The following APOO variants were observed in gnomAD, a reference collection of about 807,000 sequenced individuals.
APOO encodes apolipoprotein O.
APOO carries 11 observed loss-of-function variants against 23.1 expected under a neutral mutation model. The ratio of observed to expected loss-of-function variants is 0.48; its 90% CI spans 0.30 to 0.79. The LOEUF is 0.79. Ranked by LOEUF, APOO falls within the 30% of genes least tolerant of loss-of-function variation. The probability of loss-of-function intolerance (pLI) is 0.07; values close to 1 mark genes in which losing one functional copy is unlikely to be tolerated. For missense variants in APOO, 160 were observed against 142.7 expected (o/e 1.12, Z -0.62); for synonymous variants, 59 against 54.8 (o/e 1.08, Z -0.34).
chrX:23,900,271 G>C (rs895670435), intron 1 of APOO, among the ~76,000 whole-genome samples: 3 of 111,774 alleles, frequency 2.7e-5, no homozygotes, highest in Non-Finnish European at 5.6e-5. Context: ...TGTAGTTCAC[G>C]GTTCTTTTCG....
intron 5 of APOO, among the ~76,000 whole-genome samples, chrX:23,866,418 C>T (rs1025316664): frequency 5.4e-5 from 6 of 112,033 alleles, no homozygotes; most frequent in African/African-American, 1.6e-4. Context: ...ACATGAGTTG[C>T]TTCCACAGGT....
chrX:23,899,727 T>A (rs1053249591), intron 1 of APOO, among the ~76,000 whole-genome samples: 1 of 112,511 alleles, frequency 8.9e-6, no homozygotes, highest in African/African-American at 3.2e-5. Context: ...TTGAGATTTA[T>A]TACACACCTA....
chrX:23,865,490 G>C (rs1188841818), intron 5 of APOO, among the ~76,000 whole-genome samples: 1 of 109,847 alleles, frequency 9.1e-6, no homozygotes, highest in Non-Finnish European at 1.9e-5. Flanking sequence ...TGTAGTCCCA[G>C]CTACTCGGGA....
intron 1 of APOO, among the ~76,000 whole-genome samples, chrX:23,885,641 CTCTTA>C (rs1926337324): frequency 9.1e-6 from 1 of 109,982 alleles, no homozygotes; most frequent in Admixed American, 9.8e-5. Context: ...TTACCTTCCC[CTCTTA>C]TCTTACTTGT....
intron 1 of APOO, among the ~76,000 whole-genome samples, chrX:23,888,535 T>C (rs1926473406): frequency 1.8e-5 from 2 of 111,206 alleles, no homozygotes; most frequent in Admixed American, 9.6e-5. Context: ...CAGGCCACAA[T>C]TTAAAAAATA....
At chrX:23,839,911 A>G (rs1923889100) in intron 8 of APOO, 1 of 112,368 alleles carries the variant, frequency 8.9e-6, no homozygotes, top group South Asian at 3.6e-4. Context: ...ACAATTTTTC[A>G]TATATACACA....
intron 3 of APOO, 126 bp from the exon 4 acceptor site, chrX:23,874,583 GATACAC>G (rs995534173): frequency 2.7e-5 from 15 of 548,857 alleles, no homozygotes; most frequent in Non-Finnish European, 4.5e-5. Flanking sequence ...TGAACAAAGG[GATACAC>G]TGTCTGTCTG....
intron 4 of APOO, among the ~76,000 whole-genome samples, chrX:23,872,779 G>A (rs7889458): frequency 0.18 from 19,418 of 110,058 alleles, 1,301 homozygotes; most frequent in Middle Eastern, 0.23. Context: ...AGCTAGGCGC[G>A]GTGGCTCACA....
intron 5 of APOO, among the ~76,000 whole-genome samples, chrX:23,864,810 GC>G (rs1393900927): frequency 1.8e-5 from 2 of 111,675 alleles, no homozygotes; most frequent in East Asian, 5.6e-4. Flanking sequence ...GAAGAGAAAA[GC>G]CTGTGATATC....
At chrX:23,846,576 G>A (rs745809179) in intron 7 of APOO, among the ~76,000 whole-genome samples, 30 of 91,343 alleles carry the variant, frequency 3.3e-4, no homozygotes, top group Non-Finnish European at 5.4e-4. Context: ...GAACGCGATC[G>A]CACCACTGCA....
intron 1 of APOO, chrX:23,884,144 A>G (rs1345315756): frequency 9.0e-6 from 1 of 111,545 alleles, no homozygotes; most frequent in African/African-American, 3.3e-5. Flanking sequence ...CTCACATAAA[A>G]GTCCTAGGTA....
intron 1 of APOO, among the ~76,000 whole-genome samples, chrX:23,901,127 G>A (rs892615269): frequency 1.8e-5 from 2 of 112,220 alleles, no homozygotes; most frequent in East Asian, 5.5e-4. Flanking sequence ...GACAGGCAAT[G>A]TAAGTATTAC....
intron 1 of APOO, 63 bp downstream of exon 1, chrX:23,907,631 C>G (rs944703619): frequency 8.9e-7 from 1 of 1,117,722 alleles, no homozygotes; most frequent in Non-Finnish European, 1.2e-6. Flanking sequence ...CAAGAGAGCG[C>G]GGGGAGGGCT....
chrX:23,846,247 G>A (rs1181044817), intron 7 of APOO, among the ~76,000 whole-genome samples: 8 of 100,961 alleles, frequency 7.9e-5, no homozygotes, highest in Non-Finnish European at 1.4e-4. Flanking sequence ...GAAGGCGGAG[G>A]TTGTAATGAA....
chrX:23,843,479 CAGAG>C (rs1161970094), intron 7 of APOO, among the ~76,000 whole-genome samples: 1 of 109,683 alleles, frequency 9.1e-6, no homozygotes, highest in African/African-American at 3.3e-5. Context: ...CATTTTCAGA[CAGAG>C]AAAGTTTTAT....
intron 6 of APOO, among the ~76,000 whole-genome samples, chrX:23,857,316 C>A (rs1418588235): frequency 1.8e-5 from 2 of 109,289 alleles, no homozygotes; most frequent in Non-Finnish European, 3.8e-5. Context: ...CAACGAGCAA[C>A]CAAGTTCACC....
intron 4 of APOO, among the ~76,000 whole-genome samples, chrX:23,872,191 T>C (rs1171257976): frequency 9.0e-6 from 1 of 111,224 alleles, no homozygotes; most frequent in Non-Finnish European, 1.9e-5. Context: ...AAAGAAGATA[T>C]GTTTTAAGAC....
intron 1 of APOO, chrX:23,883,308 G>A (rs1272883522): frequency 9.0e-6 from 1 of 111,063 alleles, no homozygotes; most frequent in Non-Finnish European, 1.9e-5. Flanking sequence ...CTAGCGGGCA[G>A]GCACACAAGC....
rs1266277942 is a variant in APOO, at chrX:23,840,374, C to T, written c.565G>A (p.Gly189Arg). 1 of 1,199,344 alleles carries T rather than the reference C, an allele frequency of 8.3e-7. No homozygotes were observed. Among genetic ancestry groups the T allele is most frequent in the South Asian group, 1.8e-5 (1 of 54,310 alleles). ...DLWKENFQKPGNVKNSPGTK is the reference protein window; with the variant it reads ...DLWKENFQKPRNVKNSPGTK The stretch of plus-strand genomic sequence containing the variant: ...GTTCCAGGTGAATTCTTCACATTTC[C>T]TGGCTTTTAAAACAAAAGAAAGAGC... The change falls in exon 8 of 9, where the codon GGA (glycine) becomes AGA (arginine). Residue 189 changes from glycine to arginine, a missense_variant. By Grantham distance (125) the Gly-to-Arg change is moderately radical. Coordinates refer to ENST00000379226, the MANE Select transcript of APOO (RefSeq NM_024122.5).
Sources: gnomAD v4.1 joint callset for allele counts (sites outside exome capture counted in the v4.1 genomes callset) on GRCh38, gnomAD v4.1.1 for gene constraint, MANE v1.5 for transcripts, NCBI Gene and HGNC (gene_info 2026-07-23, HGNC 2026-07-21) for gene names.